TNKS: variants seen among roughly 807,000 people sequenced by gnomAD.
TNKS encodes the protein tankyrase, also known as poly [ADP-ribose] polymerase tankyrase-1.
In TNKS, 72 loss-of-function variants were observed where a neutral mutation model predicts 135.8. The ratio of observed to expected loss-of-function variants is 0.53; its 90% confidence interval spans 0.44 to 0.64. The LOEUF is 0.64. Ranked by LOEUF, TNKS falls within the 30% of genes least tolerant of loss-of-function variation. TNKS has a pLI of 0.00. For missense variants in TNKS, 1,769 were observed against 1,674.0 expected (o/e 1.06, Z -0.99); for synonymous variants, 849 against 649.3 (o/e 1.31, Z -4.68).
chr8:9,603,306 T>C (rs28470987), intron 2 of TNKS, among the ~76,000 whole-genome samples: 43,763 of 151,958 alleles, frequency 0.29, 6,598 homozygotes, highest in East Asian at 0.39. Flanking sequence ...CCGCCCGCCT[T>C]GGCCTCCCAA....
chr8:9,556,482 G>T lies in TNKS; in HGVS notation c.543G>T (p.Gly181=). ...GPGTGVPAVS[G]ALRELLEACR... is the part of the protein sequence containing the mutation. ...GGACAGGGGTCCCAGCAGTGAGCGG[G>T]GCCCTACGGGAACTGCTGGAGGCCT... The change falls in exon 1 of 27, where the codon GGG becomes GGT. Residue 181 remains glycine, a synonymous_variant. Coordinates refer to ENST00000310430, the MANE Select transcript of TNKS (RefSeq NM_003747.3). The T allele has an allele frequency of 6.2e-7, 1 of 1,614,178 alleles. No individual in the cohort carries two copies. The highest frequency in any genetic ancestry group is 8.5e-7 in the Non-Finnish European group (1 of 1,180,038).
intron 17 of TNKS, among the ~76,000 whole-genome samples, chr8:9,736,637 A>G (rs1448929620): frequency 3.3e-5 from 4 of 122,786 alleles, no homozygotes; most frequent in African/African-American, 1.3e-4. Flanking sequence ...CAGTTTTCCC[A>G]GCACCATTTA....
At chr8:9,629,993 C>T (rs1006157709) in intron 3 of TNKS, among the ~76,000 whole-genome samples, 1 of 152,152 alleles carries the variant, frequency 6.6e-6, no homozygotes, top group Non-Finnish European at 1.5e-5. Flanking sequence ...ACTACTTTCT[C>T]TTAATATTTA....
At chr8:9,711,384 A>G (rs1201809693) in intron 11 of TNKS, among the ~76,000 whole-genome samples, 1 of 152,150 alleles carries the variant, frequency 6.6e-6, no homozygotes, top group African/African-American at 2.4e-5. Context: ...CCCTTTCAGC[A>G]TATTTTGGCA....
chr8:9,769,660 C>T (rs886104575), intron 25 of TNKS, among the ~76,000 whole-genome samples: 2 of 142,474 alleles, frequency 1.4e-5, no homozygotes, highest in African/African-American at 5.3e-5. Context: ...CGCTCTGTCG[C>T]CCAGCCTGGA....
At chr8:9,680,137 A>G (rs1327466258) in intron 4 of TNKS, 150 bp downstream of exon 4, 4 of 548,904 alleles carry the variant, frequency 7.3e-6, no homozygotes, top group Non-Finnish European at 1.3e-5. Context: ...ACTTTATATC[A>G]TTATTGTATA....
At chr8:9,689,786 G>C (rs1469293711) in intron 5 of TNKS, among the ~76,000 whole-genome samples, 4 of 152,164 alleles carry the variant, frequency 2.6e-5, no homozygotes, top group Non-Finnish European at 5.9e-5. Context: ...TCAGCTGAAG[G>C]AATTTGTCAC....
rs760471433 is a variant in TNKS at position 9,735,357 on chromosome 8, A to AT, written c.2534-12dup. 4.1e-5 allele frequency: 65 copies of AT among 1,597,032 alleles called. 1 individual carries two copies. The highest frequency in any genetic ancestry group is 6.8e-5 in the Admixed American group (4 of 59,190). ...TCCTTTAAGCTGACACGTTTCCTGT[A>AT]TTTTTTTTACTCTAAATAGCAGGCT... On this transcript the variant is annotated intron_variant, in intron 16 of 26. Transcript: ENST00000310430.
At chr8:9,745,858 A>C (rs1470972652) in intron 17 of TNKS, among the ~76,000 whole-genome samples, 1 of 152,196 alleles carries the variant, frequency 6.6e-6, no homozygotes, top group African/African-American at 2.4e-5. Flanking sequence ...GGAAATACAG[A>C]TATTTATATT....
intron 2 of TNKS, among the ~76,000 whole-genome samples, chr8:9,595,015 T>G (rs997269783): frequency 3.9e-5 from 6 of 152,224 alleles, no homozygotes; most frequent in African/African-American, 1.4e-4. Flanking sequence ...CAGTGAAGCC[T>G]TGAAAATCTG....
At chr8:9,750,958 A>C (rs1441445607) in intron 18 of TNKS, among the ~76,000 whole-genome samples, 1 of 152,248 alleles carries the variant, frequency 6.6e-6, no homozygotes, top group Non-Finnish European at 1.5e-5. Context: ...AGAGAGTAAA[A>C]GTAGACACTG....
chr8:9,624,188 C>T (rs1799970854), intron 3 of TNKS, among the ~76,000 whole-genome samples: 1 of 152,096 alleles, frequency 6.6e-6, no homozygotes, highest in Non-Finnish European at 1.5e-5. Context: ...TTAGTGTATA[C>T]TCTGAGAGCA....
chr8:9,712,724 A>C (rs1356851031), intron 11 of TNKS, among the ~76,000 whole-genome samples: 2 of 151,648 alleles, frequency 1.3e-5, no homozygotes, highest in East Asian at 3.9e-4. Context: ...CCCCGTCTCT[A>C]CAAATAATAA....
intron 3 of TNKS, among the ~76,000 whole-genome samples, chr8:9,625,082 T>C (rs888218287): frequency 1.3e-5 from 2 of 152,148 alleles, no homozygotes; most frequent in Admixed American, 6.5e-5. Context: ...ATTATTATTA[T>C]TATTTGATTC....
Position 9,763,303 on chromosome 8 carries a change from T to C in TNKS, c.3372+59T>C, listed in dbSNP as rs111979077. The C allele has an allele frequency of 5.1e-5, 61 of 1,200,062 alleles. 2 individuals carry two copies. In the African/African-American group the frequency reaches 5.7e-4, roughly 11 times the overall value. 74.3% of individuals were successfully genotyped at this position (1,200,062 alleles called of 1,614,324 possible). On this transcript the variant is annotated intron_variant, in intron 22 of 26. Transcript: ENST00000310430. ...CTTGAAATCTGTGGATAAACCTCTTTTTCTGGAATTAACCTCGTCTTACAT... is the reference window on the plus strand; with the variant it reads ...CTTGAAATCTGTGGATAAACCTCTTCTTCTGGAATTAACCTCGTCTTACAT...
At chr8:9,621,133 A>G (rs1388514188) in intron 3 of TNKS, among the ~76,000 whole-genome samples, 3 of 152,210 alleles carry the variant, frequency 2.0e-5, no homozygotes, top group Admixed American at 6.5e-5. Context: ...TTCTTAAAAC[A>G]TAAGTGCATT....
intron 24 of TNKS, among the ~76,000 whole-genome samples, chr8:9,766,025 G>A (rs1026400396): frequency 4.6e-5 from 7 of 152,232 alleles, no homozygotes; most frequent in African/African-American, 1.7e-4. Context: ...AATTATTTTA[G>A]TACTTAAATT....
At chr8:9,699,611 C>G (rs1803698891) in intron 5 of TNKS, among the ~76,000 whole-genome samples, 1 of 152,134 alleles carries the variant, frequency 6.6e-6, no homozygotes, top group African/African-American at 2.4e-5. Context: ...CTTGGAAAGT[C>G]TCACCCAGCT....
intron 1 of TNKS, 94 bp from the exon 2 acceptor site, chr8:9,580,065 G>T: frequency 9.7e-7 from 1 of 1,033,940 alleles, no homozygotes; most frequent in Non-Finnish European, 1.5e-6. Context: ...CAGTACTTCA[G>T]TTGTTCATAC....
Sources: gnomAD v4.1 joint callset for allele counts (sites outside exome capture counted in the v4.1 genomes callset) on GRCh38, gnomAD v4.1.1 for gene constraint, MANE v1.5 for transcripts, NCBI Gene and HGNC (gene_info 2026-07-23, HGNC 2026-07-21) for gene names.